The following CHIC1 variants were observed in gnomAD, a reference collection of about 807,000 sequenced individuals.
The protein encoded by CHIC1 is cysteine-rich hydrophobic domain-containing protein 1.
Under a neutral mutation model 18.5 loss-of-function variants are expected in CHIC1, and 7 were observed. That is an observed-to-expected ratio of 0.38 (90% CI 0.22 to 0.71). CHIC1 has a LOEUF of 0.71. Among genes scored for constraint, CHIC1 ranks in the 30% least tolerant of loss-of-function variants. The pLI is 0.49. For synonymous variants in CHIC1, 77 were observed against 73.5 expected (o/e 1.05, Z -0.25); for missense variants, 159 against 176.9 (o/e 0.90, Z 0.57).
intron 3 of CHIC1, among the ~76,000 whole-genome samples, chrX:73,605,350 G>C (rs1009613729): frequency 9.3e-6 from 1 of 107,571 alleles, no homozygotes; most frequent in African/African-American, 3.6e-5. Flanking sequence ...CTATTTGCTT[G>C]GTAAATATTT....
At chrX:73,614,264 A>T (rs972787308) in intron 3 of CHIC1, among the ~76,000 whole-genome samples, 1 of 111,223 alleles carries the variant, frequency 9.0e-6, no homozygotes, top group African/African-American at 3.3e-5. Context: ...TTTATAAGTG[A>T]CAAGACACTT....
At chrX:73,609,419 T>C (rs1436096903) in intron 3 of CHIC1, among the ~76,000 whole-genome samples, 1 of 109,111 alleles carries the variant, frequency 9.2e-6, no homozygotes, top group Non-Finnish European at 1.9e-5. Context: ...TTGTTTTGTT[T>C]TAGACCATTT....
At chrX:73,598,336 T>C (rs1432131782) in intron 3 of CHIC1, among the ~76,000 whole-genome samples, 1 of 107,179 alleles carries the variant, frequency 9.3e-6, no homozygotes, top group Non-Finnish European at 1.9e-5. Context: ...TCTCTTTTTT[T>C]TTTTATTATT....
At chrX:73,646,026 G>T in intron 3 of CHIC1, among the ~76,000 whole-genome samples, 1 of 111,709 alleles carries the variant, frequency 9.0e-6, no homozygotes, top group East Asian at 2.8e-4. Context: ...TTCAGGTCTT[G>T]CATTTAAGTC....
At chrX:73,632,286 C>T (rs1427980947) in intron 3 of CHIC1, among the ~76,000 whole-genome samples, 2 of 111,711 alleles carry the variant, frequency 1.8e-5, no homozygotes, top group Non-Finnish European at 3.8e-5. Context: ...AGTATAATTA[C>T]CCCTGCTAAT....
intron 3 of CHIC1, among the ~76,000 whole-genome samples, chrX:73,647,214 C>T (rs932392838): frequency 5.4e-5 from 6 of 111,980 alleles, no homozygotes; most frequent in African/African-American, 1.9e-4. Context: ...TCCATGCCAC[C>T]AGGGACTAGG....
chrX:73,672,057 A>G (rs1011735187), intron 3 of CHIC1, among the ~76,000 whole-genome samples: 1 of 111,014 alleles, frequency 9.0e-6, no homozygotes, highest in Non-Finnish European at 1.9e-5. Flanking sequence ...GCTGAGAATG[A>G]TGGTTTCTGG....
intron 3 of CHIC1, among the ~76,000 whole-genome samples, chrX:73,594,412 C>T (rs1316861328): frequency 3.6e-5 from 4 of 111,337 alleles, no homozygotes; most frequent in South Asian, 3.7e-4. Context: ...TCAGGTGATC[C>T]GCCTGCTTTC....
chrX:73,667,450 G>A (rs2058009649), intron 3 of CHIC1, among the ~76,000 whole-genome samples: 1 of 111,601 alleles, frequency 9.0e-6, no homozygotes, highest in Non-Finnish European at 1.9e-5. Flanking sequence ...TGTGTCACTG[G>A]TCTATGTACT....
At chrX:73,599,090 G>A (rs1300012929) in intron 3 of CHIC1, among the ~76,000 whole-genome samples, 2 of 109,642 alleles carry the variant, frequency 1.8e-5, no homozygotes, top group Non-Finnish European at 3.8e-5. Flanking sequence ...CAGTGATGAT[G>A]AGCATTTTTT....
chrX:73,640,096 G>C (rs780532483), intron 3 of CHIC1, among the ~76,000 whole-genome samples: 1 of 111,656 alleles, frequency 9.0e-6, no homozygotes, highest in South Asian at 3.7e-4. Context: ...AGACATCCTT[G>C]TCTTGTGTCA....
chrX:73,645,720 T>G (rs770901334), intron 3 of CHIC1, among the ~76,000 whole-genome samples: 22 of 111,979 alleles, frequency 2.0e-4, no homozygotes, highest in Admixed American at 1.8e-3. Flanking sequence ...TTTTGAGAAG[T>G]ATCTATTCAG....
chrX:73,651,585 A>G (rs1013029865), intron 3 of CHIC1, among the ~76,000 whole-genome samples: 3 of 110,850 alleles, frequency 2.7e-5, no homozygotes, highest in Non-Finnish European at 5.7e-5. Flanking sequence ...TACATCAACA[A>G]TAGACAAGCA....
intron 3 of CHIC1, among the ~76,000 whole-genome samples, chrX:73,626,154 G>A (rs929674493): frequency 7.2e-5 from 8 of 111,500 alleles, no homozygotes; most frequent in Admixed American, 1.9e-4. Context: ...TAAAAGAATG[G>A]CTACTCCATA....
chrX:73,627,831 TC>T (rs1347855254), intron 3 of CHIC1, among the ~76,000 whole-genome samples: 1 of 111,552 alleles, frequency 9.0e-6, no homozygotes, highest in Non-Finnish European at 1.9e-5. Context: ...AAGAAAGTCT[TC>T]TTTACTTTGC....
chrX:73,624,493 A>T (rs1196211361), intron 3 of CHIC1, among the ~76,000 whole-genome samples: 2 of 112,441 alleles, frequency 1.8e-5, no homozygotes, highest in African/African-American at 6.5e-5. Context: ...GGTGAAACTA[A>T]TAAGCCTTAG....
intron 3 of CHIC1, among the ~76,000 whole-genome samples, chrX:73,668,252 G>A (rs921661043): frequency 4.5e-5 from 5 of 111,738 alleles, no homozygotes; most frequent in African/African-American, 6.5e-5. Context: ...TTGGCTGTCA[G>A]CTCCTGTATT....
intron 3 of CHIC1, among the ~76,000 whole-genome samples, chrX:73,630,603 G>A (rs945295283): frequency 9.0e-6 from 1 of 111,560 alleles, no homozygotes; most frequent in African/African-American, 3.3e-5. Flanking sequence ...TGATTGTGGT[G>A]TATGATCCTT....
At chrX:73,591,140 G>A (rs1300289500) in intron 3 of CHIC1, among the ~76,000 whole-genome samples, 1 of 111,690 alleles carries the variant, frequency 9.0e-6, no homozygotes, top group Non-Finnish European at 1.9e-5. Context: ...TAAAACGTAG[G>A]TAGTGATATC....
Sources: allele counts gnomAD v4.1 joint callset (sites outside exome capture counted in the v4.1 genomes callset), GRCh38; gene constraint gnomAD v4.1.1; transcripts MANE v1.5; gene names NCBI Gene and HGNC (gene_info 2026-07-23, HGNC 2026-07-21).